The following MYO16 variants were observed in gnomAD, a reference collection of about 807,000 sequenced individuals.
MYO16 encodes the protein myosin XVI.
Under a neutral mutation model 205.3 loss-of-function variants are expected in MYO16, and 94 were observed. The observed-to-expected ratio is 0.46, with a 90% CI of 0.39 to 0.54. MYO16 has a LOEUF of 0.54. Among genes scored for constraint, MYO16 ranks in the 20% least tolerant of loss-of-function variants. MYO16 has a pLI of 0.00. For synonymous variants in MYO16, 988 were observed against 954.0 expected, an observed-to-expected ratio of 1.04 and a Z score of -0.66; for missense variants, 2,315 against 2,387.5, an observed-to-expected ratio of 0.97 and a Z score of 0.63.
At chr13:108,813,281 T>C (rs895621798) in intron 7 of MYO16, among the ~76,000 whole-genome samples, 2 of 152,176 alleles carry the variant, frequency 1.3e-5, no homozygotes, top group African/African-American at 4.8e-5. Flanking sequence ...TCTAAAGTAT[T>C]AGATCTGAAA....
chr13:109,025,765 C>T (rs9514962), intron 23 of MYO16, among the ~76,000 whole-genome samples: 24,894 of 152,048 alleles, frequency 0.16, 2,170 homozygotes, highest in East Asian at 0.24. Context: ...TAAGATGATT[C>T]TAAACTAACT....
intron 27 of MYO16, among the ~76,000 whole-genome samples, chr13:109,095,909 T>C (rs767346149): frequency 6.6e-6 from 1 of 152,230 alleles, no homozygotes; most frequent in Non-Finnish European, 1.5e-5. Context: ...TGTTGAGTTT[T>C]ACTTTTTCAG....
At chr13:108,660,067 A>C (rs1307496513) in intron 1 of MYO16, among the ~76,000 whole-genome samples, 1 of 152,130 alleles carries the variant, frequency 6.6e-6, no homozygotes, top group Admixed American at 6.6e-5. Flanking sequence ...ATGCCACTGC[A>C]CTCTAGCCTG....
At chr13:108,969,128 C>T (rs960984898) in intron 20 of MYO16, among the ~76,000 whole-genome samples, 6 of 152,044 alleles carry the variant, frequency 3.9e-5, no homozygotes, top group African/African-American at 9.7e-5. Flanking sequence ...CTAGTGTTTT[C>T]GAGAGTATAG....
intron 4 of MYO16, among the ~76,000 whole-genome samples, chr13:108,774,773 CAT>C (rs1397438182): frequency 5.3e-5 from 8 of 152,188 alleles, no homozygotes; most frequent in African/African-American, 1.2e-4. Flanking sequence ...CGTGCACACA[CAT>C]GTGCACAAAC....
At chr13:109,199,192 G>GTATATGTATATA (rs1555340467) in intron 34 of MYO16, among the ~76,000 whole-genome samples, 3 of 75,600 alleles carry the variant, frequency 4.0e-5, no homozygotes, top group Non-Finnish European at 7.5e-5. Flanking sequence ...AATAAAAAAG[G>GTATATGTATATA]TATATATATA....
rs74496107 is a variant in MYO16 at position 108,956,743 on chromosome 13, G to A, written c.1926-945G>A. 2.2e-4 allele frequency among the ~76,000 whole-genome samples: 33 copies of A among 152,142 alleles called. No individual in the cohort carries two copies. In the South Asian group the frequency reaches 3.3e-3, roughly 15 times the overall value. ...TTCTTGGAATCACAGCCTGCCTTTC[G>A]CCACTGTGTTTCCTCATTGCCTACT... On this transcript the variant is annotated intron_variant, in intron 16 of 34. Coordinates refer to ENST00000457511, the MANE Select transcript of MYO16 (RefSeq NM_001198950.3).
At chr13:108,845,567 T>C (rs1208284887) in intron 10 of MYO16, among the ~76,000 whole-genome samples, 1 of 152,096 alleles carries the variant, frequency 6.6e-6, no homozygotes, top group Non-Finnish European at 1.5e-5. Flanking sequence ...ATCCCACCCT[T>C]ATGATTTCAT....
the MYO16 span, among the ~76,000 whole-genome samples, chr13:108,545,696 C>T: frequency 2.6e-5 from 4 of 152,164 alleles, no homozygotes; most frequent in African/African-American, 2.4e-5. Flanking sequence ...ATAACCATTC[C>T]GGCTGGTGTG....
chr13:108,813,966 C>T (rs1416971929), intron 7 of MYO16, among the ~76,000 whole-genome samples: 1 of 152,112 alleles, frequency 6.6e-6, no homozygotes, highest in African/African-American at 2.4e-5. Flanking sequence ...GAAATATTGA[C>T]TTTACGAAAA....
intron 20 of MYO16, among the ~76,000 whole-genome samples, 191 bp downstream of exon 20, chr13:108,965,093 G>A (rs1387166069): frequency 1.3e-5 from 2 of 152,112 alleles, no homozygotes; most frequent in Non-Finnish European, 2.9e-5. Context: ...CCCTCTCCCT[G>A]GGGTACCCTC....
chr13:108,890,091 A>C (rs1880091412), intron 14 of MYO16, among the ~76,000 whole-genome samples: 2 of 141,468 alleles, frequency 1.4e-5, no homozygotes, highest in Non-Finnish European at 3.0e-5. Context: ...GTCTCTGCCT[A>C]GCTAATTTTT....
upstream of MYO16, among the ~76,000 whole-genome samples, chr13:108,626,219 G>T (rs1157304065): frequency 6.6e-6 from 1 of 152,108 alleles, no homozygotes; most frequent in African/African-American, 2.4e-5. Flanking sequence ...GCTGTATGGT[G>T]TATAAAAGAG....
intron 23 of MYO16, among the ~76,000 whole-genome samples, chr13:109,039,940 A>G (rs532987603): frequency 3.6e-4 from 55 of 152,290 alleles, no homozygotes; most frequent in Middle Eastern, 3.4e-3. Flanking sequence ...AATATGAGTG[A>G]CAAAGAGAAA....
At chr13:108,820,973 A>T (rs1448905579) in intron 8 of MYO16, among the ~76,000 whole-genome samples, 1 of 152,102 alleles carries the variant, frequency 6.6e-6, no homozygotes, top group Non-Finnish European at 1.5e-5. Context: ...ATATTCATAT[A>T]CTTATTTAAT....
At chr13:109,081,083 C>A (rs570593014) in intron 27 of MYO16, among the ~76,000 whole-genome samples, 1 of 152,030 alleles carries the variant, frequency 6.6e-6, no homozygotes, top group Admixed American at 6.5e-5. Context: ...TATAGATAAA[C>A]ACACATACAT....
chr13:108,504,108 T>TTTTTG, the MYO16 span, among the ~76,000 whole-genome samples: 30 of 152,102 alleles, frequency 2.0e-4, no homozygotes, highest in East Asian at 2.5e-3. Flanking sequence ...GATCTCTAGA[T>TTTTTG]TTTTGTTTTG....
the MYO16 span, among the ~76,000 whole-genome samples, chr13:108,550,968 G>A: frequency 0.017 from 2,515 of 152,150 alleles, 54 homozygotes; most frequent in South Asian, 0.087. Flanking sequence ...AATATTTTGC[G>A]GCACTTGGTA....
At chr13:108,582,341 A>G in the MYO16 span, among the ~76,000 whole-genome samples, 1 of 152,118 alleles carries the variant, frequency 6.6e-6, no homozygotes, top group Non-Finnish European at 1.5e-5. Context: ...CCAGTTCCAC[A>G]TGTATGAGTT....
Sources: gnomAD v4.1 joint callset for allele counts (sites outside exome capture counted in the v4.1 genomes callset) on GRCh38, gnomAD v4.1.1 for gene constraint, MANE v1.5 for transcripts, NCBI Gene and HGNC (gene_info 2026-07-23, HGNC 2026-07-21) for gene names.